The following RAPGEF6 variants were observed in gnomAD, a reference collection of about 807,000 sequenced individuals.
RAPGEF6 encodes the protein PDZ domain containing guanine nucleotide exchange factor (GEF) 2.
Under a neutral mutation model 171.4 loss-of-function variants are expected in RAPGEF6, and 56 were observed. That is an observed-to-expected ratio of 0.33 (90% CI 0.26 to 0.41). The LOEUF (loss-of-function observed/expected upper bound fraction) is 0.41, where lower values mean the gene tolerates loss of function less well. Ranked by LOEUF, RAPGEF6 falls within the 10% of genes least tolerant of loss-of-function variation. The pLI is 1.00. For missense variants in RAPGEF6, 1,674 were observed against 1,921.4 expected, an observed-to-expected ratio of 0.87 and a Z score of 2.41; for synonymous variants, 692 against 650.1, an observed-to-expected ratio of 1.06 and a Z score of -0.98.
rs1309247911 is a variant in RAPGEF6, at chr5:131,561,982, A to G, written c.347T>C (p.Ile116Thr). ...AGCATTCTTTAAAGTTCTTACCACA[A>G]TCATTTCTGAAGGCTCTAATACAAG... Reference protein sequence around the residue: ...DCLVLEPSEMIVVENAKDNED... With the variant: ...DCLVLEPSEMTVVENAKDNED... The change falls in exon 5 of 28, where the codon ATT (isoleucine) becomes ACT (threonine). Residue 116 changes from isoleucine (I) to threonine (T), a missense_variant. This residue lies in a region of RAPGEF6 where 1,116 missense variants were observed against 1,321.5 expected (regional missense o/e 0.84). Transcript: ENST00000509018. 2 of 1,591,008 alleles carry G rather than the reference A, an allele frequency of 1.3e-6. No homozygotes were observed. The highest frequency in any genetic ancestry group is 1.8e-5 in the Admixed American group (1 of 56,978).
At chr5:131,579,595 T>G (rs111648997) in intron 4 of RAPGEF6, among the ~76,000 whole-genome samples, 4,567 of 152,098 alleles carry the variant, frequency 0.03, 249 homozygotes, top group African/African-American at 0.1. Flanking sequence ...CCCACTACAT[T>G]AGCTAGACAC....
chr5:131,455,760 T>C (rs770271892), intron 20 of RAPGEF6, 41 bp downstream of exon 20: 2 of 1,540,296 alleles, frequency 1.3e-6, no homozygotes, highest in African/African-American at 2.7e-5. Context: ...AGACTTTAGA[T>C]AAACCATGTG....
intron 21 of RAPGEF6, chr5:131,450,031 C>T (rs2149820413): frequency 6.5e-7 from 1 of 1,543,846 alleles, no homozygotes; most frequent in East Asian, 2.4e-5. Context: ...ACCCCAGACT[C>T]CGCCACCTCT....
intron 10 of RAPGEF6, 119 bp downstream of exon 10, chr5:131,505,245 C>T: frequency 1.0e-6 from 1 of 961,734 alleles, no homozygotes; most frequent in Non-Finnish European, 1.6e-6. Context: ...CCTTTATTAA[C>T]TGTGAGCTAT....
At chr5:131,619,367 T>C (rs1246666724) in intron 1 of RAPGEF6, among the ~76,000 whole-genome samples, 1 of 152,030 alleles carries the variant, frequency 6.6e-6, no homozygotes, top group African/African-American at 2.4e-5. Flanking sequence ...ATACCTAATG[T>C]AGATGACAGG....
At position 131,566,405 on chromosome 5, in the gene RAPGEF6, C is replaced by T. The variant is rs560295700; in HGVS notation, c.282-4358G>A. On this transcript the variant is annotated intron_variant, in intron 4 of 27. Coordinates refer to ENST00000509018, the MANE Select transcript of RAPGEF6 (RefSeq NM_016340.6). ...GTTAACTGACTTACAAATGCCAAAC[C>T]AACCTTCCATTCCTGGGATAATCCC... 7.9e-5 allele frequency among the ~76,000 whole-genome samples: 12 copies of T among 152,218 alleles called. No homozygotes were observed. The South Asian group carries it at 1.2e-3, about 16-fold the overall frequency.
At chr5:131,462,504 T>C (rs1372425046) in intron 18 of RAPGEF6, among the ~76,000 whole-genome samples, 4 of 152,186 alleles carry the variant, frequency 2.6e-5, no homozygotes, top group Admixed American at 6.5e-5. Context: ...CGGTTAAAAA[T>C]CTCTATTCAG....
intron 21 of RAPGEF6, among the ~76,000 whole-genome samples, chr5:131,451,370 G>A (rs1011037913): frequency 9.2e-5 from 14 of 151,636 alleles, no homozygotes; most frequent in African/African-American, 3.2e-4. Context: ...AATTGCTTGA[G>A]TCCAGGAGTT....
rs527843395 is a variant in RAPGEF6, at chr5:131,505,122, G to C, written c.1101+242C>G. Among the ~76,000 whole-genome samples the C allele has an allele frequency of 2.0e-5, 3 of 151,604 alleles. No homozygotes were observed. The East Asian group carries it at 5.8e-4, about 29-fold the overall frequency. ...TTTTTAAATAAAGGACTCTGAGCTG[G>C]CTAATATCAAATAGAAATGTAACAA... On this transcript the variant is annotated intron_variant, in intron 10 of 27. Transcript: ENST00000509018.
chr5:131,571,612 G>A (rs1327192068), intron 4 of RAPGEF6, among the ~76,000 whole-genome samples: 2 of 152,144 alleles, frequency 1.3e-5, no homozygotes, highest in Non-Finnish European at 2.9e-5. Context: ...TGGTTTAAAA[G>A]AATCAACTAT....
At chr5:131,545,048 A>G (rs536055283) in intron 6 of RAPGEF6, among the ~76,000 whole-genome samples, 1 of 152,264 alleles carries the variant, frequency 6.6e-6, no homozygotes, top group Admixed American at 6.5e-5. Flanking sequence ...GTGATAAGAA[A>G]TTGTATCAAA....
At chr5:131,430,718 A>G in intron 26 of RAPGEF6, 141 bp downstream of exon 26, 2 of 1,214,150 alleles carry the variant, frequency 1.6e-6, no homozygotes, top group East Asian at 4.7e-5. Context: ...TTTTTGGGAA[A>G]TAACTTGTTT....
rs74666756 is a variant in RAPGEF6, at chr5:131,555,867, C to T, written c.351+6111G>A. Among the ~76,000 whole-genome samples, 228 of 152,238 alleles carry T rather than the reference C, an allele frequency of 1.5e-3. 1 individual carries two copies. The East Asian group carries it at 0.028, about 19-fold the overall frequency. ...TGAGAAACTAGTTGTTAGGCAATTTCGTCATTGTGTGAACATCATAGAGTG... is the reference window on the plus strand; with the variant it reads ...TGAGAAACTAGTTGTTAGGCAATTTTGTCATTGTGTGAACATCATAGAGTG... On this transcript the variant is annotated intron_variant, in intron 5 of 27. Transcript: ENST00000509018.
intron 3 of RAPGEF6, 87 bp from the exon 4 acceptor site, chr5:131,592,553 T>C (rs943800096): frequency 5.3e-6 from 8 of 1,497,412 alleles, no homozygotes; most frequent in Admixed American, 4.6e-5. Flanking sequence ...ATTCTGATAA[T>C]AGTACAAATA....
intron 14 of RAPGEF6, among the ~76,000 whole-genome samples, chr5:131,491,632 C>A (rs943945636): frequency 6.6e-6 from 1 of 152,148 alleles, no homozygotes; most frequent in African/African-American, 2.4e-5. Flanking sequence ...TGACCTCCAC[C>A]TCCTGTTAAA....
chr5:131,487,525 G>A (rs1360903584), intron 15 of RAPGEF6, among the ~76,000 whole-genome samples: 5 of 152,038 alleles, frequency 3.3e-5, no homozygotes, highest in African/African-American at 1.2e-4. Context: ...TGATTGGTGC[G>A]TTTTTACAGA....
intron 7 of RAPGEF6, among the ~76,000 whole-genome samples, chr5:131,515,641 C>T (rs1186259581): frequency 5.3e-5 from 8 of 152,000 alleles, no homozygotes; most frequent in Non-Finnish European, 1.2e-4. Flanking sequence ...GTGACATGTC[C>T]GAGAGAAAAA....
At chr5:131,572,473 G>T (rs139734980) in intron 4 of RAPGEF6, among the ~76,000 whole-genome samples, 83 of 152,268 alleles carry the variant, frequency 5.5e-4, no homozygotes, top group Middle Eastern at 3.4e-3. Context: ...GTCGGTTACT[G>T]ACTTGGGAAG....
intron 15 of RAPGEF6, among the ~76,000 whole-genome samples, chr5:131,482,394 A>G (rs1037572980): frequency 6.6e-6 from 1 of 152,118 alleles, no homozygotes; most frequent in Non-Finnish European, 1.5e-5. Context: ...CCTTGACTTT[A>G]TGGGCTCATC....
Sources: allele counts gnomAD v4.1 joint callset (sites outside exome capture counted in the v4.1 genomes callset), GRCh38; gene constraint gnomAD v4.1.1; regional missense constraint gnomAD v4.1.1; transcripts MANE v1.5; gene names NCBI Gene and HGNC (gene_info 2026-07-23, HGNC 2026-07-21).